ABCA12: variants seen among roughly 807,000 people sequenced by gnomAD.
ABCA12 encodes ATP binding cassette subfamily A member 12, also known as glucosylceramide transporter ABCA12.
A neutral mutation model predicts 293.5 loss-of-function variants in ABCA12; 156 were observed. That is an observed-to-expected ratio of 0.53 (90% CI 0.47 to 0.61). The LOEUF is 0.61. ABCA12 is among the 20% of genes least tolerant of loss of function. The pLI is 0.00. For synonymous variants in ABCA12, 1,063 were observed against 1,108.0 expected (o/e 0.96, Z 0.81); for missense variants, 2,797 against 3,090.2 (o/e 0.91, Z 2.25).
chr2:215,052,825 T>A (rs573315763), intron 4 of ABCA12, among the ~76,000 whole-genome samples: 67 of 152,172 alleles, frequency 4.4e-4, no homozygotes, highest in Admixed American at 2.7e-3. Context: ...CATTTAGATG[T>A]CATTTGCTTT....
At chr2:215,091,016 A>G (rs114733715) in intron 2 of ABCA12, among the ~76,000 whole-genome samples, 7,765 of 152,172 alleles carry the variant, frequency 0.051, 622 homozygotes, top group African/African-American at 0.17. Flanking sequence ...TACAAGATCT[A>G]GATAATTTTG....
intron 2 of ABCA12, among the ~76,000 whole-genome samples, chr2:215,088,444 A>G (rs947381042): frequency 2.6e-5 from 4 of 152,226 alleles, no homozygotes; most frequent in Admixed American, 2.6e-4. Context: ...GGCAACGGCC[A>G]GTTTGGGAAA....
intron 13 of ABCA12, 64 bp downstream of exon 13, chr2:215,019,272 A>T (rs1700571367): frequency 6.8e-7 from 1 of 1,474,884 alleles, no homozygotes; most frequent in Admixed American, 1.7e-5. Context: ...GCTTTCTTAA[A>T]CTGCAGCGTG....
At chr2:214,963,676 G>A (rs1369983366) in intron 39 of ABCA12, among the ~76,000 whole-genome samples, 1 of 149,348 alleles carries the variant, frequency 6.7e-6, no homozygotes, top group East Asian at 2.0e-4. Flanking sequence ...CACTTTGGGA[G>A]CCCAAGGCGG....
intron 8 of ABCA12, among the ~76,000 whole-genome samples, chr2:215,033,220 T>C (rs916805802): frequency 6.6e-6 from 1 of 152,206 alleles, no homozygotes; most frequent in Admixed American, 6.5e-5. Flanking sequence ...TAATTAACAA[T>C]AGTAATACCT....
At chr2:214,987,599 A>G in intron 27 of ABCA12, 48 bp downstream of exon 27, 2 of 1,581,000 alleles carry the variant, frequency 1.3e-6, no homozygotes, top group Non-Finnish European at 1.7e-6. Flanking sequence ...ATGTAATTTC[A>G]TATCATTTCT....
At chr2:215,054,218 C>T (rs1388757346) in intron 4 of ABCA12, among the ~76,000 whole-genome samples, 6 of 152,110 alleles carry the variant, frequency 3.9e-5, no homozygotes, top group African/African-American at 9.6e-5. Context: ...CTGGACAAAC[C>T]TCTGAGATTC....
chr2:215,068,825 A>C (rs915658299), intron 2 of ABCA12, among the ~76,000 whole-genome samples: 1 of 152,060 alleles, frequency 6.6e-6, no homozygotes, highest in Non-Finnish European at 1.5e-5. Context: ...TCACCACCAT[A>C]GAAGAATTTT....
chr2:215,050,613 G>T (rs571496620), intron 5 of ABCA12, among the ~76,000 whole-genome samples: 7 of 152,144 alleles, frequency 4.6e-5, no homozygotes, highest in Admixed American at 2.0e-4. Context: ...ACTCCATGAG[G>T]TGAGGTCAAT....
At chr2:214,966,457 G>T (rs1448736795) in intron 39 of ABCA12, among the ~76,000 whole-genome samples, 1 of 152,036 alleles carries the variant, frequency 6.6e-6, no homozygotes, top group Non-Finnish European at 1.5e-5. Flanking sequence ...TGTCAAAAAA[G>T]AAAGAAAAGT....
chr2:215,130,051 T>C (rs1312154779), intron 1 of ABCA12, among the ~76,000 whole-genome samples: 1 of 152,178 alleles, frequency 6.6e-6, no homozygotes, highest in Admixed American at 6.5e-5. Flanking sequence ...TGTGGCTTTA[T>C]TTTGGGGTTC....
chr2:214,974,795 A>T lies in ABCA12; in HGVS notation c.5451T>A (p.Cys1817Ter), dbSNP rs1699472771. ...MWDFPGIDNMCLNTSDLQCLN... is the reference protein window; with the variant it reads ...MWDFPGIDNM ...CCACTTACAGATCACTGGTGTTCAG[A>T]CACATGTTGTCAATTCCAGGGAAGT... Residue 1817 changes from cysteine to a stop codon, truncating the protein, a stop_gained, in exon 35 of 53, where the codon TGT (cysteine) becomes TGA (stop). Coordinates refer to ENST00000272895, the MANE Select transcript of ABCA12 (RefSeq NM_173076.3). LOFTEE classifies it high-confidence loss of function. The T allele has an allele frequency of 1.2e-6, 2 of 1,613,970 alleles. No homozygotes were observed. The highest frequency in any genetic ancestry group is 1.7e-6 in the Non-Finnish European group (2 of 1,179,962).
At chr2:214,972,349 T>A (rs1699404012) in intron 36 of ABCA12, among the ~76,000 whole-genome samples, 1 of 152,198 alleles carries the variant, frequency 6.6e-6, no homozygotes, top group African/African-American at 2.4e-5. Flanking sequence ...GATTTAGGGA[T>A]GTTAATTAAA....
Position 215,138,291 on chromosome 2 carries a change from T to C in ABCA12, c.-83A>G. The C allele has an allele frequency of 2.8e-6, 4 of 1,409,560 alleles. No individual in the cohort carries two copies. Among genetic ancestry groups the C allele is most frequent in the Non-Finnish European group, 4.0e-6 (4 of 994,114 alleles). 87.3% of individuals were successfully genotyped at this position (1,409,560 alleles called of 1,614,324 possible). On this transcript the variant is annotated 5_prime_UTR_variant, in exon 1 of 53. It adds an upstream start codon to the 5' untranslated region. Transcript: ENST00000272895. ...AACTGATGCCCCGTCCAACTTGCTG[T>C]ATGTCAGTGTATCAGTACCCCTTTC...
intron 48 of ABCA12, among the ~76,000 whole-genome samples, 195 bp downstream of exon 48, chr2:214,947,224 ATTG>A (rs1698610838): frequency 6.6e-6 from 1 of 152,214 alleles, no homozygotes; most frequent in African/African-American, 2.4e-5. Flanking sequence ...TTGAGAGCAT[ATTG>A]TTGTGGTAAC....
At position 214,935,757 on chromosome 2, in the gene ABCA12, A is replaced by G. The variant is rs184865457; in HGVS notation, c.7543-1542T>C. On this transcript the variant is annotated intron_variant, in intron 51 of 52. Coordinates refer to ENST00000272895, the MANE Select transcript of ABCA12 (RefSeq NM_173076.3). ...GGCTGCACTGAGCTATGATTATGCC[A>G]CTGCACTCCAGCCTGGGCAACATAG... is the stretch of plus-strand genomic sequence containing the variant. 7.9e-5 allele frequency among the ~76,000 whole-genome samples: 12 copies of G among 152,282 alleles called. No homozygotes were observed. The Middle Eastern group carries it at 0.017, about 216-fold the overall frequency.
At chr2:215,049,909 C>T in intron 5 of ABCA12, 98 bp from the exon 6 acceptor site, 1 of 1,155,066 alleles carries the variant, frequency 8.7e-7, no homozygotes, top group South Asian at 1.3e-5. Flanking sequence ...TTCAAAATAG[C>T]CATTTTGAGG....
intron 23 of ABCA12, among the ~76,000 whole-genome samples, chr2:214,994,644 A>G (rs1176794034): frequency 1.3e-5 from 2 of 152,216 alleles, no homozygotes; most frequent in Non-Finnish European, 2.9e-5. Context: ...GACAATAGAC[A>G]TTTATATTAT....
chr2:215,114,370 T>A (rs1702644214), intron 1 of ABCA12, among the ~76,000 whole-genome samples: 1 of 152,336 alleles, frequency 6.6e-6, no homozygotes, highest in African/African-American at 2.4e-5. Flanking sequence ...TTTTAAAACA[T>A]TATTCTTAAA....
Sources: gnomAD v4.1 joint callset for allele counts (sites outside exome capture counted in the v4.1 genomes callset) on GRCh38, gnomAD v4.1.1 for gene constraint, MANE v1.5 for transcripts, NCBI Gene and HGNC (gene_info 2026-07-23, HGNC 2026-07-21) for gene names.